Variants in ANO4 observed in about 807,000 individuals in gnomAD.
ANO4 encodes the protein anoctamin-4.
In ANO4, 69 loss-of-function variants were observed where a neutral mutation model predicts 141.9. The ratio of observed to expected loss-of-function variants is 0.49; its 90% CI spans 0.40 to 0.59. The LOEUF (loss-of-function observed/expected upper bound fraction) is 0.59, where lower values mean the gene tolerates loss of function less well. Among genes scored for constraint, ANO4 ranks in the 20% least tolerant of loss-of-function variants. The pLI is 0.00. For synonymous variants in ANO4, 350 were observed against 394.3 expected (o/e 0.89, Z 1.33); for missense variants, 894 against 1,162.2 (o/e 0.77, Z 3.36).
At chr12:100,902,527 T>G (rs191074285) in intron 2 of ANO4, among the ~76,000 whole-genome samples, 53 of 152,344 alleles carry the variant, frequency 3.5e-4, no homozygotes, top group Admixed American at 1.0e-3. Context: ...AGTGACTTTA[T>G]AGAAACATCA....
At chr12:100,724,677 A>G (rs2031026183) in intron 1 of ANO4, among the ~76,000 whole-genome samples, 1 of 152,204 alleles carries the variant, frequency 6.6e-6, no homozygotes, top group African/African-American at 2.4e-5. Flanking sequence ...CCAAGCCACC[A>G]CTTTCTACCT....
chr12:100,781,781 C>G (rs1445086095), intron 3 of ANO4, among the ~76,000 whole-genome samples: 4 of 152,196 alleles, frequency 2.6e-5, no homozygotes, highest in African/African-American at 9.7e-5. Context: ...AAAAAGACAG[C>G]ATTTAATTAA....
intron 3 of ANO4, among the ~76,000 whole-genome samples, chr12:100,789,264 T>C (rs1247681207): frequency 6.6e-6 from 1 of 151,948 alleles, no homozygotes; most frequent in Admixed American, 6.6e-5. Context: ...AGTCACAGAG[T>C]GAGGCAGAGT....
chr12:100,863,552 G>A (rs368974405), intron 1 of ANO4, among the ~76,000 whole-genome samples: 2 of 152,142 alleles, frequency 1.3e-5, no homozygotes, highest in East Asian at 3.9e-4. Context: ...TGACTATATA[G>A]TTGAGAGGTC....
At chr12:101,045,439 A>G (rs1222995860) in intron 13 of ANO4, among the ~76,000 whole-genome samples, 1 of 152,218 alleles carries the variant, frequency 6.6e-6, no homozygotes, top group Non-Finnish European at 1.5e-5. Context: ...GTAAAATGAA[A>G]GATAAAAAGC....
intron 2 of ANO4, among the ~76,000 whole-genome samples, chr12:100,736,713 C>G (rs1447867530): frequency 6.6e-6 from 1 of 152,142 alleles, no homozygotes; most frequent in Non-Finnish European, 1.5e-5. Context: ...AGGGTGGGCC[C>G]TACTCCAATG....
intron 5 of ANO4, among the ~76,000 whole-genome samples, chr12:100,956,316 T>G (rs1334359589): frequency 6.6e-6 from 1 of 152,196 alleles, no homozygotes; most frequent in Non-Finnish European, 1.5e-5. Context: ...CTCACTAGAG[T>G]ACTTTGTTTT....
At chr12:100,764,016 G>A (rs2032980645) in intron 3 of ANO4, among the ~76,000 whole-genome samples, 1 of 152,088 alleles carries the variant, frequency 6.6e-6, no homozygotes, top group African/African-American at 2.4e-5. Context: ...ATAGCAGGAT[G>A]TAGTACTTGG....
Position 100,942,437 on chromosome 12 carries a change from G to T in ANO4, c.358G>T (p.Asp120Tyr). Reference sequence around the variant, plus strand: ...CTTTCGAGATGGAAAGTGTCGAATTGACTACATCCTTGTGTACAGAAAATC... The same window carrying T: ...CTTTCGAGATGGAAAGTGTCGAATTTACTACATCCTTGTGTACAGAAAATC... Reference protein sequence around the residue: ...LYFRDGKCRIDYILVYRKSNP... With the variant: ...LYFRDGKCRIYYILVYRKSNP... Residue 120 changes from aspartate to tyrosine, a missense_variant, in exon 5 of 28, where the codon GAC (aspartate) becomes TAC (tyrosine). Physicochemically the swap from Asp to Tyr is radical, Grantham distance 160. Coordinates refer to ENST00000392977, the MANE Select transcript of ANO4 (RefSeq NM_001286615.2). 1.9e-6 allele frequency: 3 copies of T among 1,614,054 alleles called. No individual in the cohort carries two copies. The highest frequency in any genetic ancestry group is 2.5e-6 in the Non-Finnish European group (3 of 1,179,990).
At chr12:100,736,735 C>T (rs1565845576) in intron 2 of ANO4, among the ~76,000 whole-genome samples, 1 of 152,074 alleles carries the variant, frequency 6.6e-6, no homozygotes, top group East Asian at 1.9e-4. Context: ...GACTAGTGTC[C>T]TTATAAGAAG....
chr12:101,113,687 C>T (rs541164208), intron 24 of ANO4, among the ~76,000 whole-genome samples: 1 of 152,228 alleles, frequency 6.6e-6, no homozygotes, highest in South Asian at 2.1e-4. Context: ...TTATTGAACT[C>T]ATAAGAGTAG....
intron 1 of ANO4, among the ~76,000 whole-genome samples, chr12:100,813,350 C>G (rs1478645185): frequency 2.0e-5 from 3 of 152,132 alleles, no homozygotes; most frequent in African/African-American, 7.2e-5. Flanking sequence ...GCAGGGAACC[C>G]AAACACTTAG....
intron 1 of ANO4, among the ~76,000 whole-genome samples, chr12:100,731,276 G>A (rs896022272): frequency 1.3e-5 from 2 of 152,086 alleles, no homozygotes; most frequent in African/African-American, 4.8e-5. Flanking sequence ...TATTTAATAT[G>A]ACTCTTGTAA....
intron 14 of ANO4, chr12:101,066,879 T>C: frequency 9.4e-7 from 1 of 1,066,590 alleles, no homozygotes; most frequent in Non-Finnish European, 1.5e-6. Flanking sequence ...AAATTTACAG[T>C]GCACACAAAG....
At chr12:100,781,226 G>A (rs1514798) in intron 3 of ANO4, among the ~76,000 whole-genome samples, 102,178 of 152,016 alleles carry the variant, frequency 0.67, 34,563 homozygotes, top group East Asian at 0.79. Context: ...TTTAATATCA[G>A]ACATTAAAAT....
Position 100,970,655 on chromosome 12 carries a change from CCCTCCCTCTCCTTCCTTCCTTCCTTCCT to C in ANO4, c.457-650_457-623del, listed in dbSNP as rs1196207061. On this transcript the variant is annotated intron_variant, in intron 5 of 27. Coordinates refer to ENST00000392977, the MANE Select transcript of ANO4 (RefSeq NM_001286615.2). ...TCCCTCCCTCCCTTCCTCCCTCCCT[CCCTCCCTCTCCTTCCTTCCTTCCTTCCT>C]TCCTTCCTTCCTTCCTTCCTTCCTT... Among the ~76,000 whole-genome samples, 20 of 124,226 alleles carry C rather than the reference CCCTCCCTCTCCTTCCTTCCTTCCTTCCT, an allele frequency of 1.6e-4. No homozygotes were observed. In the East Asian group the frequency reaches 4.5e-3, roughly 28 times the overall value. 81.5% of individuals were successfully genotyped at this position (124,226 alleles called of 152,430 possible).
intron 14 of ANO4, among the ~76,000 whole-genome samples, chr12:101,057,266 T>C (rs2048161122): frequency 6.6e-6 from 1 of 152,186 alleles, no homozygotes; most frequent in South Asian, 2.1e-4. Context: ...GATGGGCATT[T>C]GGGTTGGTTC....
intron 14 of ANO4, among the ~76,000 whole-genome samples, chr12:101,074,177 G>T (rs1267586166): frequency 6.6e-6 from 1 of 152,134 alleles, no homozygotes; most frequent in Non-Finnish European, 1.5e-5. Context: ...TAGCACAAAG[G>T]CAGTGGCTTT....
At chr12:100,801,213 A>G (rs755086318) in intron 1 of ANO4, among the ~76,000 whole-genome samples, 19 of 152,244 alleles carry the variant, frequency 1.2e-4, no homozygotes, top group Middle Eastern at 3.4e-3. Flanking sequence ...CAGATAACCA[A>G]TAATCCTTGA....
Sources: gnomAD v4.1 joint callset for allele counts (sites outside exome capture counted in the v4.1 genomes callset) on GRCh38, gnomAD v4.1.1 for gene constraint, MANE v1.5 for transcripts, NCBI Gene and HGNC (gene_info 2026-07-23, HGNC 2026-07-21) for gene names.